CEP63: variants seen among roughly 807,000 people sequenced by gnomAD.
The protein encoded by CEP63 is centrosomal protein 63, also known as centrosomal protein of 63 kDa.
Under a neutral mutation model 89.1 loss-of-function variants are expected in CEP63, and 84 were observed. The observed-to-expected ratio is 0.94, with a 90% confidence interval of 0.79 to 1.13. The LOEUF is 1.13. Ranked by LOEUF, CEP63 falls within the 50% of genes most tolerant of loss-of-function variation. The probability of loss-of-function intolerance (pLI) is 0.00; values close to 1 mark genes in which losing one functional copy is unlikely to be tolerated. For missense variants in CEP63, 838 were observed against 813.3 expected, an observed-to-expected ratio of 1.03 and a Z score of -0.37; for synonymous variants, 267 against 272.5, an observed-to-expected ratio of 0.98 and a Z score of 0.20.
At chr3:134,608,875 A>C in the CEP63 span, 6 of 1,579,190 alleles carry the variant, frequency 3.8e-6, no homozygotes, top group Non-Finnish European at 5.2e-6. Context: ...AGCCAGCTCC[A>C]TGCAGGGGAG....
chr3:134,706,799 A>G, the CEP63 span, among the ~76,000 whole-genome samples: 1 of 152,188 alleles, frequency 6.6e-6, no homozygotes, highest in African/African-American at 2.4e-5. Context: ...CCTCCTTCCC[A>G]GCTTCTGGTG....
chr3:134,504,378 G>A (rs1238374020), intron 2 of CEP63, among the ~76,000 whole-genome samples: 3 of 152,104 alleles, frequency 2.0e-5, no homozygotes, highest in Non-Finnish European at 4.4e-5. Flanking sequence ...TTAGACACCA[G>A]TTTTATTTGT....
rs1364891223 is a variant in CEP63 at position 134,555,316 on chromosome 3, A to G, written c.1468-2826A>G. Among the ~76,000 whole-genome samples the G allele has an allele frequency of 2.6e-5, 4 of 152,324 alleles. No homozygotes were observed. In the South Asian group the frequency reaches 6.2e-4, roughly 24 times the overall value. On this transcript the variant is annotated intron_variant, in intron 12 of 14. Transcript: ENST00000675561. ...GGAAATAAAGGGTATTCAGTTAGGA[A>G]AAGAGGAAGTCAAATTGTTCCTCTT...
chr3:134,658,297 G>T, the CEP63 span, among the ~76,000 whole-genome samples: 1 of 152,156 alleles, frequency 6.6e-6, no homozygotes, highest in Non-Finnish European at 1.5e-5. Context: ...GTGTGCATGT[G>T]TGTGTTTAAA....
At chr3:134,716,839 G>A in the CEP63 span, among the ~76,000 whole-genome samples, 8 of 152,174 alleles carry the variant, frequency 5.3e-5, no homozygotes, top group African/African-American at 2.4e-5. Context: ...TTACTTACAG[G>A]GAGAATGCTA....
the CEP63 span, among the ~76,000 whole-genome samples, chr3:134,669,294 C>T: frequency 2.0e-5 from 3 of 152,182 alleles, no homozygotes; most frequent in Non-Finnish European, 4.4e-5. Context: ...TCCAAAGGTG[C>T]TGAGATTACA....
the CEP63 span, among the ~76,000 whole-genome samples, chr3:134,613,386 C>A: frequency 6.6e-6 from 1 of 152,144 alleles, no homozygotes; most frequent in Non-Finnish European, 1.5e-5. Flanking sequence ...GGAGCAGCAG[C>A]GAGAGCCTGC....
chr3:134,594,362 G>A, the CEP63 span, among the ~76,000 whole-genome samples: 653 of 152,222 alleles, frequency 4.3e-3, 4 homozygotes, highest in African/African-American at 0.015. Context: ...AAAGGGGGAC[G>A]TCACTGCCTT....
the CEP63 span, among the ~76,000 whole-genome samples, chr3:134,633,132 C>A: frequency 9.2e-4 from 140 of 152,132 alleles, no homozygotes; most frequent in Middle Eastern, 6.8e-3. Flanking sequence ...AATCTTCCCC[C>A]CAAAAGCCAG....
At chr3:134,747,181 T>C in the CEP63 span, among the ~76,000 whole-genome samples, 1 of 152,246 alleles carries the variant, frequency 6.6e-6, no homozygotes, top group Non-Finnish European at 1.5e-5. Context: ...AAATATAGAC[T>C]CCTTTCCCCA....
the CEP63 span, among the ~76,000 whole-genome samples, chr3:134,623,054 C>G: frequency 1.3e-5 from 2 of 152,248 alleles, no homozygotes; most frequent in Non-Finnish European, 2.9e-5. Flanking sequence ...CCTTGTCCCT[C>G]TCCCAGGGCC....
intron 3 of CEP63, among the ~76,000 whole-genome samples, chr3:134,521,748 T>G (rs1381744828): frequency 3.3e-5 from 5 of 152,232 alleles, no homozygotes; most frequent in African/African-American, 1.2e-4. Flanking sequence ...AGTGACTTAG[T>G]ATTGCATAAG....
chr3:134,741,549 C>A, the CEP63 span, among the ~76,000 whole-genome samples: 1 of 152,192 alleles, frequency 6.6e-6, no homozygotes, highest in Admixed American at 6.5e-5. Flanking sequence ...TAATCAGTGC[C>A]ATGTCCTTTC....
At chr3:134,546,092 A>T in intron 7 of CEP63, 57 bp from the exon 8 acceptor site, 3 of 1,572,230 alleles carry the variant, frequency 1.9e-6, no homozygotes, top group Non-Finnish European at 1.7e-6. Flanking sequence ...AGTATTTTGC[A>T]GGTTCTGCAG....
chr3:134,569,808 G>A (rs1198139774), downstream of CEP63, among the ~76,000 whole-genome samples: 1 of 152,202 alleles, frequency 6.6e-6, no homozygotes, highest in Non-Finnish European at 1.5e-5. Context: ...CCTAGCAGAG[G>A]TTCTGCATGA....
the CEP63 span, among the ~76,000 whole-genome samples, chr3:134,726,903 G>A: frequency 6.6e-6 from 1 of 152,184 alleles, no homozygotes; most frequent in African/African-American, 2.4e-5. Flanking sequence ...TTCCAGCCTG[G>A]CTGCAGTTAT....
At chr3:134,700,077 G>T in the CEP63 span, among the ~76,000 whole-genome samples, 7 of 152,244 alleles carry the variant, frequency 4.6e-5, no homozygotes, top group Non-Finnish European at 7.3e-5. Flanking sequence ...GCCCTTGGTG[G>T]CTGGCTTGTG....
At chr3:134,575,153 TC>T, downstream of CEP63, 1 of 198,992 alleles carries the variant, frequency 5.0e-6, no homozygotes, top group East Asian at 8.0e-5. Flanking sequence ...CGTCCCTCCC[TC>T]CGTCCCCCTT....
chr3:134,746,475 T>C, the CEP63 span, among the ~76,000 whole-genome samples: 2 of 152,228 alleles, frequency 1.3e-5, no homozygotes, highest in Non-Finnish European at 2.9e-5. Flanking sequence ...TTTCTAGTTC[T>C]AGATCCTTGA....
Sources: gnomAD v4.1 joint callset for allele counts (sites outside exome capture counted in the v4.1 genomes callset) on GRCh38, gnomAD v4.1.1 for gene constraint, MANE v1.5 for transcripts, NCBI Gene and HGNC (gene_info 2026-07-23, HGNC 2026-07-21) for gene names.